CLEC6A: variants seen among roughly 807,000 people sequenced by gnomAD.
CLEC6A encodes the protein C-type lectin domain containing 6A.
In CLEC6A, 22 loss-of-function variants were observed where a neutral mutation model predicts 25.7. The observed-to-expected ratio is 0.85, with a 90% CI of 0.61 to 1.22. The LOEUF is 1.22. Ranked by LOEUF, CLEC6A falls within the 50% of genes most tolerant of loss-of-function variation. The pLI, the probability that CLEC6A is intolerant of heterozygous loss-of-function variation, is 0.00. For synonymous variants in CLEC6A, 92 were observed against 76.7 expected, an observed-to-expected ratio of 1.20 and a Z score of -1.04; for missense variants, 240 against 236.8, an observed-to-expected ratio of 1.01 and a Z score of -0.09.
Position 8,474,878 on chromosome 12 carries a change from T to C in CLEC6A, c.370-1247T>C, listed in dbSNP as rs114726562. Among the ~76,000 whole-genome samples the C allele has an allele frequency of 7.9e-3, 1,200 of 152,258 alleles. 24 individuals carry two copies. Among genetic ancestry groups the C allele is most frequent in the African/African-American group, 0.028 (1,162 of 41,544 alleles). On this transcript the variant is annotated intron_variant, in intron 4 of 5. Transcript: ENST00000382073. ...TTAACTTTTCCAAGTAATTTGCTAC[T>C]TTCTTTCTTTTTTTTAAAATTATAC...
intron 4 of CLEC6A, among the ~76,000 whole-genome samples, chr12:8,470,880 C>T (rs1939897014): frequency 6.6e-6 from 1 of 151,966 alleles, no homozygotes; most frequent in Non-Finnish European, 1.5e-5. Flanking sequence ...CCATATGTTC[C>T]CCCAAAACAT....
intron 4 of CLEC6A, among the ~76,000 whole-genome samples, chr12:8,465,892 A>C (rs4460883): frequency 6.6e-6 from 1 of 152,056 alleles, no homozygotes; most frequent in African/African-American, 2.4e-5. Context: ...TTAAATACTT[A>C]ATATAAGTGA....
chr12:8,466,521 A>G (rs1939832304), intron 4 of CLEC6A, among the ~76,000 whole-genome samples: 1 of 152,184 alleles, frequency 6.6e-6, no homozygotes, highest in African/African-American at 2.4e-5. Flanking sequence ...CAAGGGTCTC[A>G]CTTCACATTC....
chr12:8,467,263 G>A (rs1330463982), intron 4 of CLEC6A, among the ~76,000 whole-genome samples: 1 of 151,996 alleles, frequency 6.6e-6, no homozygotes, highest in East Asian at 1.9e-4. Context: ...CCAATACATT[G>A]CTAATTTCAA....
At chr12:8,476,000 C>A in intron 4 of CLEC6A, 125 bp from the exon 5 acceptor site, 1 of 567,620 alleles carries the variant, frequency 1.8e-6, no homozygotes, top group Non-Finnish European at 3.1e-6. Context: ...AGAAGGCCAT[C>A]ATGTGACTGC....
chr12:8,475,485 C>T (rs937189898), intron 4 of CLEC6A, among the ~76,000 whole-genome samples: 1 of 151,928 alleles, frequency 6.6e-6, no homozygotes, highest in African/African-American at 2.4e-5. Flanking sequence ...CCTAGAAAAG[C>T]TGGTGGTGTA....
At chr12:8,457,752 G>A in intron 1 of CLEC6A, 146 bp from the exon 2 acceptor site, 1 of 626,632 alleles carries the variant, frequency 1.6e-6, no homozygotes, top group Non-Finnish European at 2.9e-6. Flanking sequence ...TATTTATTCT[G>A]AGGGAGTTTG....
chr12:8,475,421 C>T (rs1939961138), intron 4 of CLEC6A, among the ~76,000 whole-genome samples: 1 of 151,852 alleles, frequency 6.6e-6, no homozygotes, highest in Admixed American at 6.6e-5. Context: ...AAAATAGGCT[C>T]ACATGATTAC....
At chr12:8,468,291 G>T (rs912478872) in intron 4 of CLEC6A, among the ~76,000 whole-genome samples, 1 of 152,088 alleles carries the variant, frequency 6.6e-6, no homozygotes, top group Non-Finnish European at 1.5e-5. Flanking sequence ...TTTTTAGATT[G>T]TTTATTTTTA....
intron 3 of CLEC6A, chr12:8,460,708 C>A: frequency 2.7e-6 from 4 of 1,477,252 alleles, no homozygotes; most frequent in Non-Finnish European, 3.8e-6. Flanking sequence ...CTGGCAGTAC[C>A]GCCAGCTCTC....
chr12:8,459,992 C>T (rs1939732094), intron 3 of CLEC6A, among the ~76,000 whole-genome samples: 1 of 152,196 alleles, frequency 6.6e-6, no homozygotes, highest in South Asian at 2.1e-4. Flanking sequence ...ACAGTTCTTA[C>T]ATTCCCCTCA....
chr12:8,477,281 T>C (rs888652732), intron 5 of CLEC6A, 39 bp from the exon 6 acceptor site: 3 of 1,555,290 alleles, frequency 1.9e-6, no homozygotes, highest in Non-Finnish European at 2.6e-6. Flanking sequence ...TCACCATGCA[T>C]TCTTTGAAGA....
At chr12:8,476,314 A>G (rs1939973974) in intron 5 of CLEC6A, 74 bp downstream of exon 5, 2 of 802,990 alleles carry the variant, frequency 2.5e-6, no homozygotes, top group Non-Finnish European at 4.2e-6. Flanking sequence ...AATAATGTTA[A>G]TATTGGTAAT....
chr12:8,457,018 G>A (rs1416306733), intron 1 of CLEC6A, among the ~76,000 whole-genome samples: 2 of 151,922 alleles, frequency 1.3e-5, no homozygotes, highest in Admixed American at 1.3e-4. Context: ...GCTGAGGCAG[G>A]AGAATCACTT....
intron 4 of CLEC6A, among the ~76,000 whole-genome samples, chr12:8,475,370 A>G (rs1939960587): frequency 6.6e-6 from 1 of 151,662 alleles, no homozygotes; most frequent in Non-Finnish European, 1.5e-5. Context: ...GTGTGTGTCT[A>G]TACACACACT....
At chr12:8,474,250 T>A (rs1939942275) in intron 4 of CLEC6A, among the ~76,000 whole-genome samples, 1 of 152,148 alleles carries the variant, frequency 6.6e-6, no homozygotes, top group East Asian at 1.9e-4. Context: ...TTTTTGTCTA[T>A]GGTGAAAGGT....
At chr12:8,465,775 T>C (rs1275938055) in intron 4 of CLEC6A, 146 bp downstream of exon 4, 1 of 617,824 alleles carries the variant, frequency 1.6e-6, no homozygotes, top group African/African-American at 1.9e-5. Flanking sequence ...TTTTTCATCT[T>C]GCAAAACTGG....
chr12:8,464,008 C>T (rs952850480), intron 3 of CLEC6A, among the ~76,000 whole-genome samples: 5 of 152,038 alleles, frequency 3.3e-5, no homozygotes, highest in Non-Finnish European at 7.4e-5. Context: ...AAATTCAAAT[C>T]GTATGTTAAT....
chr12:8,464,539 A>C (rs939094272), intron 3 of CLEC6A, among the ~76,000 whole-genome samples: 1 of 152,060 alleles, frequency 6.6e-6, no homozygotes, highest in African/African-American at 2.4e-5. Context: ...TCATCTTGTT[A>C]GCCAGGATGG....
Sources: allele counts gnomAD v4.1 joint callset (sites outside exome capture counted in the v4.1 genomes callset), GRCh38; gene constraint gnomAD v4.1.1; transcripts MANE v1.5; gene names NCBI Gene and HGNC (gene_info 2026-07-23, HGNC 2026-07-21).